The following HS1BP3 variants were observed in gnomAD, a reference collection of about 807,000 sequenced individuals.
HS1BP3 encodes the protein HCLS1-binding protein 3.
HS1BP3 carries 32 observed loss-of-function variants against 33.5 expected under a neutral mutation model. That is an observed-to-expected ratio of 0.95 (90% CI 0.72 to 1.28). The LOEUF is 1.28. Among genes scored for constraint, HS1BP3 ranks in the 50% most tolerant of loss-of-function variants. The pLI, the probability that HS1BP3 is intolerant of heterozygous loss-of-function variation, is 0.00. For synonymous variants in HS1BP3, 187 were observed against 209.2 expected (o/e 0.89, Z 0.92); for missense variants, 486 against 502.3 (o/e 0.97, Z 0.31).
At position 20,618,731 on chromosome 2, in the gene HS1BP3, T is replaced by G; in HGVS notation, c.*256A>C. 3.3e-5 allele frequency: 41 copies of G among 1,253,644 alleles called. No individual in the cohort carries two copies. The highest frequency in any genetic ancestry group is 2.1e-4 in the East Asian group (6 of 29,234). The allele number at this position is 1,253,644 out of a possible 1,614,324, so 77.7% of individuals were successfully genotyped here. A position where few individuals can be genotyped will look rare whatever the true frequency, so the allele number is the denominator to read the frequency against. The stretch of plus-strand genomic sequence containing the variant: ...AGGCATCCCCACACCCTCCCTCCCC[T>G]TCATGTCCACGGGGAATAAGACACA... On this transcript the variant is annotated 3_prime_UTR_variant, in exon 7 of 7. Coordinates refer to ENST00000304031, the MANE Select transcript of HS1BP3 (RefSeq NM_022460.4).
At chr2:20,577,458 C>A (rs754770847) in intron 5 of HS1BP3, among the ~76,000 whole-genome samples, 1 of 152,162 alleles carries the variant, frequency 6.6e-6, no homozygotes, top group Non-Finnish European at 1.5e-5. Flanking sequence ...ACAAGTGCAG[C>A]GATCTCCCAG....
At chr2:20,593,732 G>A (rs75998307) in intron 3 of HS1BP3, among the ~76,000 whole-genome samples, 2 of 152,134 alleles carry the variant, frequency 1.3e-5, no homozygotes, top group African/African-American at 4.8e-5. Context: ...ACAGTTAGCC[G>A]AGTGTGTGCA....
intron 5 of HS1BP3, among the ~76,000 whole-genome samples, chr2:20,568,827 C>T (rs1437859724): frequency 1.3e-5 from 2 of 152,186 alleles, no homozygotes; most frequent in Non-Finnish European, 2.9e-5. Context: ...ATCTTGGCAG[C>T]CTCTCCCAGC....
At chr2:20,626,633 C>T (rs373169474) in intron 4 of HS1BP3, among the ~76,000 whole-genome samples, 14 of 152,296 alleles carry the variant, frequency 9.2e-5, no homozygotes, top group East Asian at 7.7e-4. Flanking sequence ...GGAGCAGAGA[C>T]GCAGTGGCAG....
rs1430003517 is a variant in HS1BP3, at chr2:20,641,125, T to C, written c.254A>G (p.Tyr85Cys). ...EEFYQKLSSRYAAASLPPLPR... is the reference protein window; with the variant it reads ...EEFYQKLSSRCAAASLPPLPR... ...TAGTGGGGGGAGGCTGGCTGCTGCA[T>C]AACGACTGCTCAGTTTCTGGTAAAA... is the stretch of plus-strand genomic sequence containing the variant. The change falls in exon 3 of 7, where the codon TAT (tyrosine) becomes TGT (cysteine). Residue 85 changes from tyrosine (Y) to cysteine (C), a missense_variant. Coordinates refer to ENST00000304031, the MANE Select transcript of HS1BP3 (RefSeq NM_022460.4). 1.9e-6 allele frequency: 3 copies of C among 1,612,644 alleles called. No homozygotes were observed. The highest frequency in any genetic ancestry group is 2.5e-6 in the Non-Finnish European group (3 of 1,180,000).
At chr2:20,574,756 G>A (rs1212770511) in intron 5 of HS1BP3, among the ~76,000 whole-genome samples, 3 of 152,174 alleles carry the variant, frequency 2.0e-5, no homozygotes, top group Admixed American at 6.5e-5. Flanking sequence ...ACCTCACAGG[G>A]GTCTGCTTCC....
At chr2:20,592,480 T>C (rs1693841115), downstream of HS1BP3, 1 of 167,214 alleles carries the variant, frequency 6.0e-6, no homozygotes. Context: ...GACTCTCCTA[T>C]GCAGCTAGGA....
chr2:20,573,961 A>G (rs1412335265), intron 5 of HS1BP3, among the ~76,000 whole-genome samples: 1 of 152,218 alleles, frequency 6.6e-6, no homozygotes, highest in African/African-American at 2.4e-5. Flanking sequence ...GAACAGGAAG[A>G]CCAATGTCAG....
At chr2:20,650,451 C>G (rs570754628) in intron 1 of HS1BP3, among the ~76,000 whole-genome samples, 1 of 152,238 alleles carries the variant, frequency 6.6e-6, no homozygotes, top group African/African-American at 2.4e-5. Flanking sequence ...CTGTAACTTG[C>G]GCTCTCCTGA....
At chr2:20,587,923 T>C (rs1208248969), downstream of HS1BP3, among the ~76,000 whole-genome samples, 2 of 152,060 alleles carry the variant, frequency 1.3e-5, no homozygotes, top group African/African-American at 4.8e-5. Flanking sequence ...TGTCTCAACG[T>C]CCGGGCCTCT....
At chr2:20,583,914 T>C (rs978904203) in intron 5 of HS1BP3, among the ~76,000 whole-genome samples, 2 of 152,106 alleles carry the variant, frequency 1.3e-5, no homozygotes, top group African/African-American at 2.4e-5. Flanking sequence ...ATGTCAAATA[T>C]ATGGAGATGG....
intron 5 of HS1BP3, among the ~76,000 whole-genome samples, chr2:20,577,199 T>A (rs1693422161): frequency 6.6e-6 from 1 of 152,044 alleles, no homozygotes; most frequent in Admixed American, 6.5e-5. Flanking sequence ...GACACACTGA[T>A]ATTCATGTAC....
intron 5 of HS1BP3, among the ~76,000 whole-genome samples, chr2:20,571,703 C>T (rs1278079069): frequency 1.3e-5 from 2 of 152,190 alleles, no homozygotes; most frequent in East Asian, 1.9e-4. Context: ...CTTCTGTGCC[C>T]CTGCCTTGGG....
At chr2:20,605,610 C>G (rs938002268) in intron 2 of HS1BP3, among the ~76,000 whole-genome samples, 3 of 152,202 alleles carry the variant, frequency 2.0e-5, no homozygotes, top group African/African-American at 7.2e-5. Flanking sequence ...CCCTGGCAAC[C>G]AGCTACCTAC....
chr2:20,647,475 G>C (rs943030336), intron 1 of HS1BP3, among the ~76,000 whole-genome samples: 2 of 152,204 alleles, frequency 1.3e-5, no homozygotes, highest in African/African-American at 4.8e-5. Flanking sequence ...CACCAGGCTT[G>C]GCAACCCTAC....
At chr2:20,602,249 A>G (rs1337273363) in intron 2 of HS1BP3, among the ~76,000 whole-genome samples, 3 of 151,944 alleles carry the variant, frequency 2.0e-5, no homozygotes, top group African/African-American at 7.3e-5. Context: ...TGTGCCAGAA[A>G]GAGCAACGTC....
rs866360412 is a variant in HS1BP3, at chr2:20,618,894, G to C, written c.*93C>G. ...CTTCTGCCTGGCCTCCCCTGGGGGT[G>C]GGGAGGTTCTGACCCTGCAGGGCCC... On this transcript the variant is annotated 3_prime_UTR_variant, in exon 7 of 7. Coordinates refer to ENST00000304031, the MANE Select transcript of HS1BP3 (RefSeq NM_022460.4). 1.4e-6 allele frequency: 2 copies of C among 1,479,758 alleles called. No individual in the cohort carries two copies. Among genetic ancestry groups the C allele is most frequent in the Non-Finnish European group, 1.8e-6 (2 of 1,117,686 alleles). 91.7% of individuals were successfully genotyped at this position (1,479,758 alleles called of 1,614,324 possible). A position where few individuals can be genotyped will look rare whatever the true frequency, so the allele number is the denominator to read the frequency against.
At chr2:20,554,477 C>T in the HS1BP3 span, among the ~76,000 whole-genome samples, 1 of 152,202 alleles carries the variant, frequency 6.6e-6, no homozygotes, top group African/African-American at 2.4e-5. Flanking sequence ...AATCCCAACA[C>T]TTTGGGAGGC....
intron 5 of HS1BP3, among the ~76,000 whole-genome samples, chr2:20,565,295 C>T (rs942709541): frequency 4.6e-5 from 7 of 152,186 alleles, no homozygotes; most frequent in South Asian, 2.1e-4. Flanking sequence ...GCCCCCGTGT[C>T]GCCCACAGCC....
Sources: allele counts gnomAD v4.1 joint callset (sites outside exome capture counted in the v4.1 genomes callset), GRCh38; gene constraint gnomAD v4.1.1; transcripts MANE v1.5; gene names NCBI Gene and HGNC (gene_info 2026-07-23, HGNC 2026-07-21).